Variants in SEMA4D observed in about 807,000 individuals in gnomAD.
The protein encoded by SEMA4D is semaphorin-4D.
SEMA4D carries 22 observed loss-of-function variants against 74.8 expected under a neutral mutation model. That is an observed-to-expected ratio of 0.29 (90% confidence interval 0.21 to 0.42). SEMA4D has a LOEUF of 0.42. Among genes scored for constraint, SEMA4D ranks in the 10% least tolerant of loss-of-function variants. SEMA4D has a pLI of 1.00. For synonymous variants in SEMA4D, 445 were observed against 463.7 expected (o/e 0.96, Z 0.52); for missense variants, 937 against 1,118.4 (o/e 0.84, Z 2.31).
intron 1 of SEMA4D, among the ~76,000 whole-genome samples, chr9:89,462,041 C>G (rs951826283): frequency 1.3e-5 from 2 of 152,058 alleles, no homozygotes; most frequent in African/African-American, 4.8e-5. Context: ...AATTTTAAGG[C>G]TAGGATGAGT....
intron 2 of SEMA4D, among the ~76,000 whole-genome samples, chr9:89,434,132 C>T (rs111795661): frequency 6.6e-6 from 1 of 152,222 alleles, no homozygotes; most frequent in Non-Finnish European, 1.5e-5. Context: ...TTAAGACCAG[C>T]CAGACCTCAG....
At chr9:89,419,728 C>T (rs1441760535) in intron 2 of SEMA4D, among the ~76,000 whole-genome samples, 2 of 151,614 alleles carry the variant, frequency 1.3e-5, no homozygotes, top group African/African-American at 4.8e-5. Context: ...GCTTGACCAA[C>T]AAGGCAAAAC....
intron 2 of SEMA4D, among the ~76,000 whole-genome samples, chr9:89,412,586 C>G (rs1287759597): frequency 6.6e-6 from 1 of 152,228 alleles, no homozygotes; most frequent in Non-Finnish European, 1.5e-5. Flanking sequence ...CTTCCAGGCC[C>G]TGCCCTGAGA....
At chr9:89,412,766 A>G (rs1844810206) in intron 2 of SEMA4D, among the ~76,000 whole-genome samples, 1 of 152,164 alleles carries the variant, frequency 6.6e-6, no homozygotes. Flanking sequence ...GACAGACCCC[A>G]TGCCACATAC....
intron 2 of SEMA4D, among the ~76,000 whole-genome samples, chr9:89,444,553 A>G (rs1564810446): frequency 6.6e-6 from 1 of 152,134 alleles, no homozygotes; most frequent in African/African-American, 2.4e-5. Context: ...CATTCAATTC[A>G]TTGGTCAAAG....
At chr9:89,376,940 G>A (rs1024391528), downstream of SEMA4D, 94 of 1,550,590 alleles carry the variant, frequency 6.1e-5, no homozygotes, top group Admixed American at 1.4e-4. Context: ...GTCGGGCCCC[G>A]CACCCGAGGC....
chr9:89,403,636 A>C (rs756895420), intron 3 of SEMA4D, among the ~76,000 whole-genome samples: 1 of 152,256 alleles, frequency 6.6e-6, no homozygotes, highest in Non-Finnish European at 1.5e-5. Flanking sequence ...TGAAGATTTG[A>C]GCAATAGCTG....
rs567428509 is a variant in SEMA4D at position 89,465,839 on chromosome 9, A to G, written c.-309-9886T>C. 3.9e-5 allele frequency among the ~76,000 whole-genome samples: 6 copies of G among 152,358 alleles called. No individual in the cohort carries two copies. The East Asian group carries it at 7.7e-4, about 20-fold the overall frequency. On this transcript the variant is annotated intron_variant, in intron 1 of 15. Transcript: ENST00000422704. Reference sequence around the variant, plus strand: ...GAGCCCTGGGTGGCCCCAGTGCTCCATTCAAAGGCTGCCTATGCCCAAGTC... The same window carrying G: ...GAGCCCTGGGTGGCCCCAGTGCTCCGTTCAAAGGCTGCCTATGCCCAAGTC...
At chr9:89,391,625 T>A (rs1308126985) in intron 8 of SEMA4D, among the ~76,000 whole-genome samples, 2 of 152,122 alleles carry the variant, frequency 1.3e-5, no homozygotes, top group Non-Finnish European at 2.9e-5. Context: ...TACCCCCACC[T>A]CCTCGGCCTC....
At chr9:89,455,027 C>G (rs974001539) in intron 2 of SEMA4D, among the ~76,000 whole-genome samples, 3 of 152,260 alleles carry the variant, frequency 2.0e-5, no homozygotes, top group African/African-American at 7.2e-5. Context: ...GCAGCCCGAT[C>G]CCAACAGTTG....
intron 2 of SEMA4D, among the ~76,000 whole-genome samples, chr9:89,444,507 C>T (rs1294870008): frequency 6.6e-6 from 1 of 152,152 alleles, no homozygotes; most frequent in African/African-American, 2.4e-5. Flanking sequence ...AGACGGAACC[C>T]AGTTTACATG....
chr9:89,440,101 T>G (rs1381021944), intron 2 of SEMA4D, among the ~76,000 whole-genome samples: 1 of 152,142 alleles, frequency 6.6e-6, no homozygotes, highest in Non-Finnish European at 1.5e-5. Context: ...ATAAGAGGCC[T>G]GGTGTCCTCC....
At position 89,403,111 on chromosome 9, in the gene SEMA4D, A is replaced by C; in HGVS notation, c.107-95T>G. 3 of 1,401,850 alleles carry C rather than the reference A, an allele frequency of 2.1e-6. No individual in the cohort carries two copies. In the South Asian group the frequency reaches 3.8e-5, roughly 18 times the overall value. 86.8% of individuals were successfully genotyped at this position (1,401,850 alleles called of 1,614,324 possible). A position where few individuals can be genotyped will look rare whatever the true frequency, so the allele number is the denominator to read the frequency against. ...CACATCCTAGGTCCCTGTCTCAGTG[A>C]CAATGAGCACGTCTGGGTGCAGTCA... On this transcript the variant is annotated intron_variant, in intron 3 of 15. Transcript: ENST00000422704.
intron 13 of SEMA4D, chr9:89,385,866 G>GGGGGGGGCCCCC: frequency 2.5e-5 from 5 of 196,226 alleles, no homozygotes; most frequent in Non-Finnish European, 4.5e-5. Context: ...CAGCGTGGAT[G>GGGGGGGGCCCCC]CCCGCCCACC....
Position 89,381,308 on chromosome 9 carries a change from C to G in SEMA4D, c.1485G>C (p.Val495=). 6.5e-7 allele frequency: 1 copy of G among 1,539,284 alleles called. No homozygotes were observed. The highest frequency in any genetic ancestry group is 1.2e-5 in the South Asian group (1 of 82,884). ...RFVYAGSNSG[V]VQAPLAFCGK... is the part of the protein sequence containing the mutation. ...CACAGAAGGCCAGCGGGGCCTGGAC[C>G]ACGCCCGAGTTAGAGCCAGCATAGA... The change falls in exon 14 of 16, where the codon GTG becomes GTC. Residue 495 remains valine (V), a synonymous_variant. Transcript: ENST00000422704. The surrounding 1 kb of genome is among the most constrained non-coding windows in gnomAD (Gnocchi z 4.6).
chr9:89,372,190 G>A (rs1267401670), intron 16 of SEMA4D, among the ~76,000 whole-genome samples: 1 of 81,664 alleles, frequency 1.2e-5, no homozygotes, highest in Non-Finnish European at 2.5e-5. Context: ...TGTGGTGTGT[G>A]TGGGGGGTGT....
intron 1 of SEMA4D, among the ~76,000 whole-genome samples, chr9:89,470,019 TA>T (rs1859775809): frequency 6.6e-6 from 1 of 152,230 alleles, no homozygotes; most frequent in African/African-American, 2.4e-5. Context: ...TTTCTTTTTG[TA>T]CAAAAAAGCT....
In SEMA4D at chr9:89,403,064, T is replaced by C. The variant is rs1359954073; in HGVS notation, c.107-48A>G. On this transcript the variant is annotated intron_variant, in intron 3 of 15. Transcript: ENST00000422704. ...CAGAGTGGGAGGAAGAAAAGAGCGA[T>C]GGAAGCATTTTTAAACCTGAGCACA... 1.9e-6 allele frequency: 3 copies of C among 1,585,248 alleles called. No homozygotes were observed. In the East Asian group the frequency reaches 6.8e-5, roughly 36 times the overall value.
At chr9:89,444,688 C>G (rs1192076420) in intron 2 of SEMA4D, among the ~76,000 whole-genome samples, 1 of 151,394 alleles carries the variant, frequency 6.6e-6, no homozygotes, top group Non-Finnish European at 1.5e-5. Flanking sequence ...TTCAAACACA[C>G]AAAACAAGAA....
Sources: gnomAD v4.1 joint callset for allele counts (sites outside exome capture counted in the v4.1 genomes callset) on GRCh38, gnomAD v4.1.1 for gene constraint, Gnocchi (gnomAD v3.1) non-coding constraint, MANE v1.5 for transcripts, NCBI Gene and HGNC (gene_info 2026-07-23, HGNC 2026-07-21) for gene names.